The following ZNF641 variants were observed in gnomAD, a reference collection of about 807,000 sequenced individuals.
The protein encoded by ZNF641 is zinc finger protein 641.
Under a neutral mutation model 46.2 loss-of-function variants are expected in ZNF641, and 26 were observed. The observed-to-expected ratio is 0.56, with a 90% CI of 0.41 to 0.78. The LOEUF (loss-of-function observed/expected upper bound fraction) is 0.78, where lower values mean the gene tolerates loss of function less well. ZNF641 is among the 30% of genes least tolerant of loss of function. The pLI, the probability that ZNF641 is intolerant of heterozygous loss-of-function variation, is 0.00. For synonymous variants in ZNF641, 163 were observed against 187.9 expected, an observed-to-expected ratio of 0.87 and a Z score of 1.09; for missense variants, 469 against 517.8, an observed-to-expected ratio of 0.91 and a Z score of 0.91.
chr12:48,345,576 T>A, intron 3 of ZNF641, 102 bp from the exon 4 acceptor site: 4 of 1,469,134 alleles, frequency 2.7e-6, no homozygotes, highest in Non-Finnish European at 2.8e-6. Context: ...TGAGAAATGA[T>A]CTGAGAAAAG....
chr12:48,348,459 A>T (rs1451026095), intron 1 of ZNF641, among the ~76,000 whole-genome samples: 1 of 152,258 alleles, frequency 6.6e-6, no homozygotes, highest in African/African-American at 2.4e-5. Context: ...AAGCACATGA[A>T]GTACAGGAAA....
rs755385383 is a variant in ZNF641, at chr12:48,343,079, C to A, written c.1169G>T (p.Arg390Leu). Residue 390 changes from arginine to leucine, a missense_variant, in exon 6 of 6, where the codon CGC becomes CTC. Around this residue, in one of 3 missense-constraint regions of ZNF641, gnomAD observed 346 missense variants for 354.0 expected, o/e 0.98. Transcript: ENST00000547026. Reference sequence around the variant, plus strand: ...TTTTCGGCCAAAGCTCTTCTCACAGCGAGGGCACTGGAAGGGCTTCTCCCC... The same window carrying A: ...TTTTCGGCCAAAGCTCTTCTCACAGAGAGGGCACTGGAAGGGCTTCTCCCC... ...HTGEKPFQCP[R>L]CEKSFGRKHH... 2 of 1,614,010 alleles carry A rather than the reference C, an allele frequency of 1.2e-6. No homozygotes were observed. The highest frequency in any genetic ancestry group is 1.7e-6 in the Non-Finnish European group (2 of 1,180,026).
In ZNF641 at chr12:48,340,973, T is replaced by C. The variant is rs928173034; in HGVS notation, c.*2000A>G. 1.3e-5 allele frequency: 13 copies of C among 985,260 alleles called. No individual in the cohort carries two copies. Among genetic ancestry groups the C allele is most frequent in the Non-Finnish European group, 1.6e-5 (13 of 829,954 alleles). 61.0% of individuals were successfully genotyped at this position (985,260 alleles called of 1,614,324 possible). A position where few individuals can be genotyped will look rare whatever the true frequency, so the allele number is the denominator to read the frequency against. ...CAGCCATTTTGCCTTATTCATAGGATCATAAGCAAGAGAACTGCATTCCAG... is the reference window on the plus strand; with the variant it reads ...CAGCCATTTTGCCTTATTCATAGGACCATAAGCAAGAGAACTGCATTCCAG... On this transcript the variant is annotated 3_prime_UTR_variant, in exon 6 of 6. Transcript: ENST00000547026.
intron 5 of ZNF641, among the ~76,000 whole-genome samples, chr12:48,344,130 A>G (rs1353987937): frequency 6.6e-6 from 1 of 152,218 alleles, no homozygotes; most frequent in Non-Finnish European, 1.5e-5. Context: ...ATTAATCAGC[A>G]TCTTTCTATC....
intron 5 of ZNF641, among the ~76,000 whole-genome samples, chr12:48,344,043 T>A (rs998236139): frequency 6.6e-6 from 1 of 152,228 alleles, no homozygotes; most frequent in Non-Finnish European, 1.5e-5. Flanking sequence ...AACCTGCACA[T>A]AGTTTAAGTA....
chr12:48,344,617 G>A lies in ZNF641; in HGVS notation c.502C>T (p.Leu168=), dbSNP rs755824058. 1.4e-5 allele frequency: 23 copies of A among 1,612,082 alleles called. No homozygotes were observed. Among genetic ancestry groups the A allele is most frequent in the Non-Finnish European group, 8.5e-7 (1 of 1,178,372 alleles). ...TTCTTACCTGTATATGTGACCCTCAGAATGTCCCTCTCCTCTAAGTCCTGG... is the reference window on the plus strand; with the variant it reads ...TTCTTACCTGTATATGTGACCCTCAAAATGTCCCTCTCCTCTAAGTCCTGG... ...DPQDLEERDI[L]RVTYTGDGSE... Residue 168 remains leucine (L), a synonymous_variant, in exon 5 of 6, where the codon CTG becomes TTG. Transcript: ENST00000547026.
rs535488379 is a variant in ZNF641 at position 48,339,888 on chromosome 12, T to C, written c.*3085A>G. 1.0e-6 allele frequency: 1 copy of C among 968,244 alleles called. No homozygotes were observed. Among genetic ancestry groups the C allele is most frequent in the Admixed American group, 6.1e-5 (1 of 16,262 alleles). 60.0% of individuals were successfully genotyped at this position (968,244 alleles called of 1,614,324 possible). A position where few individuals can be genotyped will look rare whatever the true frequency, so the allele number is the denominator to read the frequency against. ...GAAAAGCTAACACTTTCGGTTACAG[T>C]CTCCTATGCAAGGGATTCTTTGAAA... On this transcript the variant is annotated 3_prime_UTR_variant, in exon 6 of 6. Transcript: ENST00000547026.
In ZNF641 at chr12:48,343,036, G is replaced by A. The variant is rs976600331; in HGVS notation, c.1212C>T (p.His404=). 5 of 1,614,238 alleles carry A rather than the reference G, an allele frequency of 3.1e-6. No individual in the cohort carries two copies. Among genetic ancestry groups the A allele is most frequent in the South Asian group, 2.2e-5 (2 of 91,082 alleles). ...SFGRKHHLDR[H]LLTHQGQSPR... ...GACTTTGTCCCTGGTGGGTGAGCAG[G>A]TGCCTGTCCAGGTGATGTTTTCGGC... is the stretch of plus-strand genomic sequence containing the variant. The change falls in exon 6 of 6, where the codon CAC becomes CAT. Residue 404 remains histidine (H), a synonymous_variant. Transcript: ENST00000547026.
At chr12:48,336,565 A>G (rs1952606339), downstream of ZNF641, among the ~76,000 whole-genome samples, 1 of 152,148 alleles carries the variant, frequency 6.6e-6, no homozygotes, top group African/African-American at 2.4e-5. Flanking sequence ...TTCCTGTCCA[A>G]GAGGGGAGGC....
Position 48,343,042 on chromosome 12 carries a change from G to A in ZNF641, c.1206C>T (p.Asp402=). ...GTCCCTGGTGGGTGAGCAGGTGCCT[G>A]TCCAGGTGATGTTTTCGGCCAAAGC... is the stretch of plus-strand genomic sequence containing the variant. ...EKSFGRKHHL[D]RHLLTHQGQS... is the part of the protein sequence containing the mutation. Residue 402 remains aspartate (D), a synonymous_variant, in exon 6 of 6, where the codon GAC becomes GAT. Coordinates refer to ENST00000547026, the MANE Select transcript of ZNF641 (RefSeq NM_001172681.2). The A allele has an allele frequency of 1.9e-6, 3 of 1,614,246 alleles. No individual in the cohort carries two copies. Among genetic ancestry groups the A allele is most frequent in the Non-Finnish European group, 2.5e-6 (3 of 1,180,048 alleles).
At chr12:48,336,025 T>G (rs1431680984), downstream of ZNF641, among the ~76,000 whole-genome samples, 1 of 152,232 alleles carries the variant, frequency 6.6e-6, no homozygotes, top group East Asian at 1.9e-4. Flanking sequence ...TCAATGGTTG[T>G]TTGAAAAACA....
At chr12:48,345,534 T>A (rs1489025855) in intron 3 of ZNF641, 60 bp from the exon 4 acceptor site, 1 of 1,605,692 alleles carries the variant, frequency 6.2e-7, no homozygotes, top group Non-Finnish European at 8.5e-7. Flanking sequence ...TGTGATTCAG[T>A]ATGAAAGGCT....
In ZNF641 at chr12:48,342,815, T is replaced by A; in HGVS notation, c.*158A>T. The A allele has an allele frequency of 7.0e-7, 1 of 1,431,662 alleles. No individual in the cohort carries two copies. Among genetic ancestry groups the A allele is most frequent in the Non-Finnish European group, 9.1e-7 (1 of 1,097,948 alleles). 88.7% of individuals were successfully genotyped at this position (1,431,662 alleles called of 1,614,324 possible). ...TTTATGTGCTATCTCACAGAACTGG[T>A]GAGAAATGCTCTGGCCATTGCTGGG... On this transcript the variant is annotated 3_prime_UTR_variant, in exon 6 of 6. Transcript: ENST00000547026.
Position 48,343,284 on chromosome 12 carries a change from C to T in ZNF641, c.964G>A (p.Ala322Thr), listed in dbSNP as rs1952768079. The T allele has an allele frequency of 6.2e-7, 1 of 1,614,216 alleles. No individual in the cohort carries two copies. Among genetic ancestry groups the T allele is most frequent in the Non-Finnish European group, 8.5e-7 (1 of 1,180,042 alleles). Residue 322 changes from alanine (A) to threonine (T), a missense_variant, in exon 6 of 6, where the codon GCC (alanine) becomes ACC (threonine). Transcript: ENST00000547026. ...GKNFRCNSHLASHQRVHAEGK... is the reference protein window; with the variant it reads ...GKNFRCNSHLTSHQRVHAEGK... ...TCTGCATGCACTCTCTGGTGGCTGG[C>T]CAGATGGGAGTTGCATCGGAAATTC...
intron 4 of ZNF641, 128 bp downstream of exon 4, chr12:48,345,217 A>T: frequency 9.6e-7 from 1 of 1,037,596 alleles, no homozygotes; most frequent in Non-Finnish European, 1.4e-6. Context: ...TTCTTTCTCC[A>T]GCGGAAGCAT....
intron 4 of ZNF641, 77 bp from the exon 5 acceptor site, chr12:48,344,789 A>C: frequency 1.1e-6 from 1 of 894,872 alleles, no homozygotes; most frequent in Non-Finnish European, 1.7e-6. Flanking sequence ...AAATACAAAA[A>C]ACTGTTTCCT....
At chr12:48,334,692 G>C (rs1400700525), downstream of ZNF641, among the ~76,000 whole-genome samples, 2 of 50,738 alleles carry the variant, frequency 3.9e-5, no homozygotes, top group Admixed American at 1.4e-4. Context: ...AACACAATTA[G>C]AATAATCAAG....
At position 48,343,404 on chromosome 12, in the gene ZNF641, T is replaced by G; in HGVS notation, c.844A>C (p.Lys282Gln). ...HTGERPYSCL[K>Q]CEKTFGRRHH... ...CTTCGCCCAAAGGTCTTCTCACACT[T>G]GAGGCAGCTGTAGGGTCTCTCCCCA... is the stretch of plus-strand genomic sequence containing the variant. The change falls in exon 6 of 6, where the codon AAG becomes CAG. Residue 282 changes from lysine (K) to glutamine (Q), a missense_variant. Lys to Gln is a moderately conservative substitution (Grantham distance 53). This residue lies in a region of ZNF641 where 346 missense variants were observed against 354.0 expected (regional missense o/e 0.98). Transcript: ENST00000547026. 6.2e-7 allele frequency: 1 copy of G among 1,613,980 alleles called. No individual in the cohort carries two copies.
At position 48,339,040 on chromosome 12, in the gene ZNF641, CAG is replaced by C. The variant is rs1435927547; in HGVS notation, c.*3931_*3932del. On this transcript the variant is annotated 3_prime_UTR_variant, in exon 6 of 6. Coordinates refer to ENST00000547026, the MANE Select transcript of ZNF641 (RefSeq NM_001172681.2). ...AGTTGTTTATTCCTTTCTGTCCTTT[CAG>C]ATTTCTGGACCCAAGTATCCTCAGT... 2.6e-5 allele frequency: 4 copies of C among 152,222 alleles called. No individual in the cohort carries two copies. Among genetic ancestry groups the C allele is most frequent in the Non-Finnish European group, 5.9e-5 (4 of 68,058 alleles). 9.4% of individuals were successfully genotyped at this position (152,222 alleles called of 1,614,324 possible).
Sources: allele counts gnomAD v4.1 joint callset (sites outside exome capture counted in the v4.1 genomes callset), GRCh38; gene constraint gnomAD v4.1.1; regional missense constraint gnomAD v4.1.1; transcripts MANE v1.5; gene names NCBI Gene and HGNC (gene_info 2026-07-23, HGNC 2026-07-21).